Variants in MAPK10 observed in about 807,000 individuals in gnomAD.
MAPK10 encodes the protein JNK3 alpha protein kinase.
Under a neutral mutation model 59.3 loss-of-function variants are expected in MAPK10, and 25 were observed. That is an observed-to-expected ratio of 0.42 (90% CI 0.31 to 0.59). MAPK10 has a LOEUF of 0.59. Among genes scored for constraint, MAPK10 ranks in the 20% least tolerant of loss-of-function variants. The pLI, the probability that MAPK10 is intolerant of heterozygous loss-of-function variation, is 0.15. For synonymous variants in MAPK10, 190 were observed against 200.5 expected (o/e 0.95, Z 0.44); for missense variants, 351 against 568.9 (o/e 0.62, Z 3.90).
intron 13 of MAPK10, among the ~76,000 whole-genome samples, chr4:86,021,642 C>T (rs1401337175): frequency 6.6e-6 from 1 of 152,234 alleles, no homozygotes; most frequent in African/African-American, 2.4e-5. Flanking sequence ...TGGGACTGGG[C>T]GCCATGGAGC....
intron 1 of MAPK10, among the ~76,000 whole-genome samples, chr4:86,528,334 G>T (rs1364743197): frequency 6.6e-6 from 1 of 151,208 alleles, no homozygotes; most frequent in African/African-American, 2.4e-5. Context: ...GCAATTCCAT[G>T]ATATTTTCAG....
chr4:86,482,515 A>G (rs1753686419), intron 1 of MAPK10, among the ~76,000 whole-genome samples: 1 of 152,150 alleles, frequency 6.6e-6, no homozygotes, highest in Non-Finnish European at 1.5e-5. Context: ...GAAGAAAGGG[A>G]CATAGAAACA....
intron 11 of MAPK10, among the ~76,000 whole-genome samples, chr4:86,042,416 C>A (rs1022152419): frequency 2.0e-5 from 3 of 152,064 alleles, no homozygotes; most frequent in African/African-American, 7.2e-5. Context: ...GTGCAGCAAA[C>A]CACCATGGCA....
intron 1 of MAPK10, among the ~76,000 whole-genome samples, chr4:86,449,873 G>A (rs1310001610): frequency 6.6e-6 from 1 of 152,210 alleles, no homozygotes; most frequent in Non-Finnish European, 1.5e-5. Flanking sequence ...GGCAGCCTCT[G>A]GAAGATGAGA....
At chr4:86,384,788 CTGTT>C (rs1442174270) in intron 1 of MAPK10, among the ~76,000 whole-genome samples, 13 of 152,152 alleles carry the variant, frequency 8.5e-5, no homozygotes, top group African/African-American at 1.9e-4. Context: ...TATGACAACT[CTGTT>C]TGCAACATTT....
At chr4:86,579,082 T>C (rs1428451485) in intron 1 of MAPK10, among the ~76,000 whole-genome samples, 1 of 152,158 alleles carries the variant, frequency 6.6e-6, no homozygotes, top group Non-Finnish European at 1.5e-5. Flanking sequence ...ATTCACCCAA[T>C]ATTTTCTGCC....
chr4:86,241,954 T>G (rs1288662691), intron 2 of MAPK10, among the ~76,000 whole-genome samples: 1 of 152,196 alleles, frequency 6.6e-6, no homozygotes, highest in Admixed American at 6.5e-5. Flanking sequence ...TGATTCTTTC[T>G]CATCCTCGTG....
chr4:86,305,576 T>G (rs2095552463), intron 2 of MAPK10, among the ~76,000 whole-genome samples: 3 of 152,140 alleles, frequency 2.0e-5, no homozygotes, highest in Admixed American at 2.0e-4. Flanking sequence ...CCCAGCACTT[T>G]GGGAGGCTAA....
At chr4:86,337,658 T>C (rs1258203892) in intron 2 of MAPK10, among the ~76,000 whole-genome samples, 1 of 152,178 alleles carries the variant, frequency 6.6e-6, no homozygotes, top group Non-Finnish European at 1.5e-5. Context: ...GATCAAGAGC[T>C]GGAGTAGAGG....
intron 2 of MAPK10, among the ~76,000 whole-genome samples, chr4:86,275,215 T>C (rs1040934555): frequency 2.6e-5 from 4 of 151,980 alleles, no homozygotes; most frequent in African/African-American, 9.7e-5. Context: ...GCCTAATAAA[T>C]AAGCAAAAAT....
chr4:86,535,223 AC>A (rs1404330101), intron 1 of MAPK10, among the ~76,000 whole-genome samples: 3 of 152,182 alleles, frequency 2.0e-5, no homozygotes, highest in Non-Finnish European at 4.4e-5. Flanking sequence ...AGACTCTCCT[AC>A]CAAAGCCAGA....
rs554922369 is a variant in MAPK10 at position 86,044,004 on chromosome 4, C to A, written c.1111-12573G>T. Among the ~76,000 whole-genome samples the A allele has an allele frequency of 1.7e-3, 252 of 152,248 alleles. 2 individuals carry two copies. Among genetic ancestry groups the A allele is most frequent in the Non-Finnish European group, 3.2e-3 (215 of 68,006 alleles). On this transcript the variant is annotated intron_variant, in intron 11 of 13. Coordinates refer to ENST00000641462, the MANE Select transcript of MAPK10 (RefSeq NM_138982.4). The stretch of plus-strand genomic sequence containing the variant: ...TTCCACCCCAGGCTTATAGTTCCTA[C>A]TAATTCAACCTATTGAAATATATTT...
At chr4:86,514,562 A>G (rs1199700411) in intron 1 of MAPK10, among the ~76,000 whole-genome samples, 3 of 152,202 alleles carry the variant, frequency 2.0e-5, no homozygotes, top group African/African-American at 7.2e-5. Context: ...ACTCTCATAC[A>G]TAATACACCT....
chr4:86,556,172 C>T (rs1468221681), intron 1 of MAPK10, among the ~76,000 whole-genome samples: 3 of 152,114 alleles, frequency 2.0e-5, no homozygotes, highest in African/African-American at 7.2e-5. Context: ...TTCATGCTAG[C>T]AATGTAATAT....
chr4:86,291,759 AT>A (rs1473942681), intron 2 of MAPK10, among the ~76,000 whole-genome samples: 2 of 152,200 alleles, frequency 1.3e-5, no homozygotes, highest in Non-Finnish European at 2.9e-5. Context: ...AAGGAACTAA[AT>A]GCCCTTTGAT....
intron 1 of MAPK10, among the ~76,000 whole-genome samples, chr4:86,512,913 G>A (rs1756385841): frequency 6.6e-6 from 1 of 152,104 alleles, no homozygotes; most frequent in Non-Finnish European, 1.5e-5. Flanking sequence ...CTTTTCCCAA[G>A]ACCTCAGAAC....
intron 1 of MAPK10, among the ~76,000 whole-genome samples, chr4:86,476,812 C>A (rs1035495186): frequency 2.6e-5 from 4 of 152,176 alleles, no homozygotes. Flanking sequence ...AACGCCTGAA[C>A]CACAGCTGCC....
intron 1 of MAPK10, among the ~76,000 whole-genome samples, chr4:86,590,951 T>G (rs1763000278): frequency 1.3e-5 from 2 of 152,252 alleles, no homozygotes; most frequent in South Asian, 2.1e-4. Flanking sequence ...TCTAAAATTT[T>G]TTTTAGAGAA....
At chr4:86,078,444 C>A (rs2049951737) in intron 9 of MAPK10, among the ~76,000 whole-genome samples, 1 of 152,056 alleles carries the variant, frequency 6.6e-6, no homozygotes, top group South Asian at 2.1e-4. Context: ...AAGAATTCTG[C>A]CCCTCATCAT....
Sources: gnomAD v4.1 joint callset for allele counts (sites outside exome capture counted in the v4.1 genomes callset) on GRCh38, gnomAD v4.1.1 for gene constraint, MANE v1.5 for transcripts, NCBI Gene and HGNC (gene_info 2026-07-23, HGNC 2026-07-21) for gene names.